NLGN1: variants seen among roughly 807,000 people sequenced by gnomAD.
NLGN1 encodes neuroligin 1.
A neutral mutation model predicts 65.5 loss-of-function variants in NLGN1; 12 were observed. The observed-to-expected ratio is 0.18, with a 90% CI of 0.12 to 0.30. The LOEUF (loss-of-function observed/expected upper bound fraction) is 0.30, where lower values mean the gene tolerates loss of function less well. Ranked by LOEUF, NLGN1 falls within the 10% of genes least tolerant of loss-of-function variation. The pLI, the probability that NLGN1 is intolerant of heterozygous loss-of-function variation, is 1.00. For synonymous variants in NLGN1, 350 were observed against 359.5 expected, an observed-to-expected ratio of 0.97 and a Z score of 0.30; for missense variants, 750 against 1,007.1, an observed-to-expected ratio of 0.74 and a Z score of 3.46.
At chr3:173,998,024 T>G (rs1722605441) in intron 4 of NLGN1, among the ~76,000 whole-genome samples, 1 of 152,138 alleles carries the variant, frequency 6.6e-6, no homozygotes, top group African/African-American at 2.4e-5. Context: ...GAGCCATACT[T>G]GAGATTAGCC....
chr3:173,420,016 A>AAG (rs1447149505), intron 1 of NLGN1, among the ~76,000 whole-genome samples: 1 of 151,646 alleles, frequency 6.6e-6, no homozygotes, highest in African/African-American at 2.4e-5. Context: ...ATAAAATAAT[A>AAG]GTGACCCCTG....
chr3:174,222,964 AT>A (rs561978389), intron 4 of NLGN1, among the ~76,000 whole-genome samples: 110 of 152,158 alleles, frequency 7.2e-4, no homozygotes, highest in Non-Finnish European at 1.3e-3. Context: ...TGCTACTAAT[AT>A]TTTTTTCACA....
chr3:174,092,845 A>G (rs753120949), intron 4 of NLGN1, among the ~76,000 whole-genome samples: 5 of 152,124 alleles, frequency 3.3e-5, no homozygotes, highest in African/African-American at 7.2e-5. Context: ...TCAAATGTGG[A>G]CCATGGATTC....
intron 3 of NLGN1, among the ~76,000 whole-genome samples, chr3:173,800,664 T>C (rs749294214): frequency 2.0e-5 from 3 of 151,802 alleles, no homozygotes; most frequent in Non-Finnish European, 4.4e-5. Context: ...TCCACCTTCT[T>C]TGAACTAACA....
At chr3:174,242,563 A>G (rs923672202) in intron 4 of NLGN1, among the ~76,000 whole-genome samples, 9 of 152,028 alleles carry the variant, frequency 5.9e-5, no homozygotes, top group African/African-American at 2.2e-4. Context: ...GAACCCAATT[A>G]TGAAGTGTGC....
At chr3:174,273,420 T>C (rs556219794) in intron 4 of NLGN1, among the ~76,000 whole-genome samples, 130 of 151,698 alleles carry the variant, frequency 8.6e-4, no homozygotes, top group Non-Finnish European at 1.5e-3. Flanking sequence ...ACCAAAACAT[T>C]TGTAAGAGAA....
At chr3:173,685,900 T>C (rs1377998370) in intron 3 of NLGN1, 1 of 727,248 alleles carries the variant, frequency 1.4e-6, no homozygotes, top group Non-Finnish European at 1.7e-6. Flanking sequence ...TTTCACTTGA[T>C]TGAGAAGATT....
intron 3 of NLGN1, among the ~76,000 whole-genome samples, chr3:173,642,666 C>T (rs749871153): frequency 2.6e-5 from 4 of 152,138 alleles, no homozygotes; most frequent in South Asian, 2.1e-4. Context: ...CTACTTAACA[C>T]TTCTTAAAGC....
intron 2 of NLGN1, among the ~76,000 whole-genome samples, chr3:173,463,839 C>T (rs1242607393): frequency 4.6e-5 from 7 of 151,992 alleles, no homozygotes; most frequent in Non-Finnish European, 7.4e-5. Flanking sequence ...GCTCTTCTCA[C>T]TAAATGATTT....
intron 3 of NLGN1, among the ~76,000 whole-genome samples, chr3:173,766,177 C>G (rs1778764503): frequency 6.6e-6 from 1 of 151,676 alleles, no homozygotes. Flanking sequence ...CAACCTCTGC[C>G]TCCCAGGTTC....
intron 4 of NLGN1, among the ~76,000 whole-genome samples, chr3:174,127,802 G>C (rs1183321806): frequency 6.6e-6 from 1 of 152,114 alleles, no homozygotes; most frequent in East Asian, 1.9e-4. Context: ...TCTAGAATTT[G>C]GGTGCACACT....
chr3:174,196,962 T>C (rs1733539517), intron 4 of NLGN1, among the ~76,000 whole-genome samples: 1 of 152,204 alleles, frequency 6.6e-6, no homozygotes, highest in Non-Finnish European at 1.5e-5. Flanking sequence ...TAACCCCAGA[T>C]GGTCAAACTC....
chr3:173,561,856 G>A (rs749267652), intron 2 of NLGN1, among the ~76,000 whole-genome samples: 6 of 152,116 alleles, frequency 3.9e-5, no homozygotes, highest in Non-Finnish European at 7.3e-5. Context: ...GAGAGAAAAC[G>A]TGCACATTAA....
At chr3:173,557,153 A>G (rs2149282509) in intron 2 of NLGN1, among the ~76,000 whole-genome samples, 1 of 152,224 alleles carries the variant, frequency 6.6e-6, no homozygotes, top group African/African-American at 2.4e-5. Context: ...TATTAGGTAT[A>G]TACATATTCA....
chr3:174,216,030 C>G (rs1737533311), intron 4 of NLGN1, among the ~76,000 whole-genome samples: 1 of 152,112 alleles, frequency 6.6e-6, no homozygotes, highest in South Asian at 2.1e-4. Context: ...TTCATGACAA[C>G]CCAAGGGGTA....
At chr3:173,815,772 C>T (rs1250517480) in intron 4 of NLGN1, among the ~76,000 whole-genome samples, 1 of 152,126 alleles carries the variant, frequency 6.6e-6, no homozygotes, top group South Asian at 2.1e-4. Flanking sequence ...ACCATGTCTT[C>T]AAGACTAACC....
intron 3 of NLGN1, among the ~76,000 whole-genome samples, chr3:173,803,785 A>G (rs16830641): frequency 0.03 from 4,613 of 152,232 alleles, 185 homozygotes; most frequent in East Asian, 0.18. Flanking sequence ...CTTGAGGTTC[A>G]TAAAAATGAC....
intron 4 of NLGN1, among the ~76,000 whole-genome samples, chr3:174,198,901 T>A (rs781397558): frequency 1.4e-4 from 19 of 132,918 alleles, no homozygotes; most frequent in Non-Finnish European, 2.6e-4. Flanking sequence ...CAGGCTGGAG[T>A]GCAATGCACT....
At chr3:173,835,072 G>A (rs1200242854) in intron 4 of NLGN1, among the ~76,000 whole-genome samples, 1 of 152,144 alleles carries the variant, frequency 6.6e-6, no homozygotes, top group Non-Finnish European at 1.5e-5. Flanking sequence ...TATCACAGGA[G>A]AAAATATTTT....
Sources: gnomAD v4.1 joint callset for allele counts (sites outside exome capture counted in the v4.1 genomes callset) on GRCh38, gnomAD v4.1.1 for gene constraint, MANE v1.5 for transcripts, NCBI Gene and HGNC (gene_info 2026-07-23, HGNC 2026-07-21) for gene names.